Variants in BRCA2 observed in about 807,000 individuals in gnomAD.
BRCA2 encodes the protein breast cancer type 2 susceptibility protein.
Under a neutral mutation model 276.7 loss-of-function variants are expected in BRCA2, and 203 were observed. The observed-to-expected ratio is 0.73, with a 90% CI of 0.65 to 0.82. The LOEUF (loss-of-function observed/expected upper bound fraction) is 0.82. BRCA2 is among the 40% of genes least tolerant of loss of function. The probability of loss-of-function intolerance (pLI) is 0.00; values close to 1 mark genes in which losing one functional copy is unlikely to be tolerated. For synonymous variants in BRCA2, 1,289 were observed against 1,338.4 expected (o/e 0.96, Z 0.81); for missense variants, 3,920 against 3,915.0 (o/e 1.00, Z -0.03).
At position 32,319,306 on chromosome 13, in the gene BRCA2, T is replaced by A; in HGVS notation, c.297T>A (p.Asp99Glu). 3 of 1,613,716 alleles carry A rather than the reference T, an allele frequency of 1.9e-6. No individual in the cohort carries two copies. Among genetic ancestry groups the A allele is most frequent in the Non-Finnish European group, 2.5e-6 (3 of 1,179,670 alleles). The change falls in exon 3 of 27, where the codon GAT (aspartate) becomes GAA (glutamate). Residue 99 changes from aspartate to glutamate, a missense_variant. Transcript: ENST00000380152. The stretch of plus-strand genomic sequence containing the variant: ...ACCAATCTCCTGTAAAAGAATTAGA[T>A]AAATTCAAATTAGACTTAGGTAAGT... The part of the protein sequence containing the change: ...PLYQSPVKEL[D>E]KFKLDLGRNV...
Position 32,332,383 on chromosome 13 carries a change from C to G in BRCA2, c.905C>G (p.Thr302Ser), listed in dbSNP as rs80359158. Residue 302 changes from threonine (T) to serine (S), a missense_variant, in exon 10 of 27, where the codon ACC becomes AGC. By Grantham distance (58) the Thr-to-Ser change is moderately conservative. Around this residue, in one of 2 missense-constraint regions of BRCA2, gnomAD observed 3,263 missense variants for 3,156.9 expected, o/e 1.03. Transcript: ENST00000380152. ...GAAGTATATGAAACAGTTGTAGATA[C>G]CTCTGAAGAAGATAGTTTTTCATTA... Reference protein sequence around the residue: ...EDEVYETVVDTSEEDSFSLCF... With the variant: ...EDEVYETVVDSSEEDSFSLCF... 1.9e-5 allele frequency: 31 copies of G among 1,592,318 alleles called. No individual in the cohort carries two copies. In the South Asian group the frequency reaches 3.3e-4, roughly 17 times the overall value.
At chr13:32,381,974 A>T (rs2072927339) in intron 24 of BRCA2, among the ~76,000 whole-genome samples, 1 of 152,138 alleles carries the variant, frequency 6.6e-6, no homozygotes. Context: ...AAAAGCAAGT[A>T]TGTGGGGAAG....
chr13:32,361,255 G>A (rs1158864031), intron 16 of BRCA2, among the ~76,000 whole-genome samples: 1 of 152,220 alleles, frequency 6.6e-6, no homozygotes, highest in African/African-American at 2.4e-5. Context: ...ACCAGCTGTG[G>A]AAGCTGCTTC....
rs1060504610 is a variant in BRCA2, at chr13:32,357,940, C to A, written c.7805+11C>A. ...AGAAGAATTTTATAGGTACTCTATG[C>A]AAAAAGATTGTGTGTTAACTTTTAT... On this transcript the variant is annotated intron_variant, in intron 16 of 26. Coordinates refer to ENST00000380152, the MANE Select transcript of BRCA2 (RefSeq NM_000059.4). The A allele has an allele frequency of 3.1e-6, 5 of 1,611,052 alleles. No individual in the cohort carries two copies. Among genetic ancestry groups the A allele is most frequent in the Non-Finnish European group, 4.2e-6 (5 of 1,177,334 alleles).
At chr13:32,374,482 A>G (rs925878474) in intron 20 of BRCA2, among the ~76,000 whole-genome samples, 1 of 152,194 alleles carries the variant, frequency 6.6e-6, no homozygotes, top group African/African-American at 2.4e-5. Flanking sequence ...GCCACATCAC[A>G]CCTTGAACAC....
intron 11 of BRCA2, among the ~76,000 whole-genome samples, chr13:32,341,832 C>T (rs1347544667): frequency 1.3e-5 from 2 of 150,230 alleles, no homozygotes; most frequent in Non-Finnish European, 3.0e-5. Context: ...CCCGCCACTG[C>T]ACTCCAGCCT....
At chr13:32,328,393 C>G (rs552526929) in intron 7 of BRCA2, among the ~76,000 whole-genome samples, 3 of 152,022 alleles carry the variant, frequency 2.0e-5, no homozygotes, top group Non-Finnish European at 4.4e-5. Context: ...AGGCACCCAC[C>G]ACCACGCCTG....
rs1370021869 is a variant in BRCA2 at position 32,338,393 on chromosome 13, TGTTTG to T, written c.4039_4043del (p.Val1347TyrfsTer3). The T allele has an allele frequency of 1.0e-5, 16 of 1,598,238 alleles. No homozygotes were observed. Among genetic ancestry groups the T allele is most frequent in the Non-Finnish European group, 1.3e-5 (15 of 1,174,574 alleles). On this transcript the variant is annotated frameshift_variant, in exon 11 of 27. Transcript: ENST00000380152. LOFTEE classifies it high-confidence loss of function. ...GCAGTGATTCAAGTAAAAATGATAC[TGTTTG>T]TATTCATAAAGATGAAACGGACTTG...
At chr13:32,345,545 A>G (rs1044774396) in intron 12 of BRCA2, among the ~76,000 whole-genome samples, 16 of 152,030 alleles carry the variant, frequency 1.1e-4, no homozygotes, top group African/African-American at 3.6e-4. Context: ...ACTAAGGAAA[A>G]TGTAAGAATT....
chr13:32,394,663 ATTCTT>A, intron 24 of BRCA2, 21 bp from the exon 25 acceptor site: 1 of 1,606,132 alleles, frequency 6.2e-7, no homozygotes, highest in Non-Finnish European at 8.5e-7. Flanking sequence ...CTATAATAAC[ATTCTT>A]TTCTTTTTTT....
rs761465579 is a variant in BRCA2, at chr13:32,356,047, C to CT, written c.7436-369dup. On this transcript the variant is annotated intron_variant, in intron 14 of 26. Coordinates refer to ENST00000380152, the MANE Select transcript of BRCA2 (RefSeq NM_000059.4). ...ATAATTTTATAAAACAGGGCTTGCG[C>CT]TTTTTTTTTTTTGAGACAGAGTTTC... is the stretch of plus-strand genomic sequence containing the variant. Among the ~76,000 whole-genome samples, 1,273 of 141,200 alleles carry CT rather than the reference C, an allele frequency of 9.0e-3. 14 individuals are homozygous for CT. The highest frequency in any genetic ancestry group is 0.026 in the African/African-American group (1,025 of 38,920). The allele number at this position is 141,200 out of a possible 152,430, so 92.6% of individuals were successfully genotyped here. A position where few individuals can be genotyped will look rare whatever the true frequency, so the allele number is the denominator to read the frequency against.
Position 32,337,534 on chromosome 13 carries a change from G to A in BRCA2, c.3179G>A (p.Ser1060Asn), listed in dbSNP as rs2072474262. Residue 1060 changes from serine (S) to asparagine (N), a missense_variant, in exon 11 of 27, where the codon AGC becomes AAC. By Grantham distance (46) the Ser-to-Asn change is conservative. Transcript: ENST00000380152. The part of the protein sequence containing the change: ...TLALDNQKKL[S>N]KPQSINTVSA... ...GCATTAGATAATCAAAAGAAACTGA[G>A]CAAGCCTCAGTCAATTAATACTGTA... The A allele has an allele frequency of 6.2e-7, 1 of 1,608,014 alleles. No homozygotes were observed. The highest frequency in any genetic ancestry group is 8.5e-7 in the Non-Finnish European group (1 of 1,176,986).
intron 18 of BRCA2, among the ~76,000 whole-genome samples, chr13:32,368,024 T>C (rs1271700002): frequency 2.0e-5 from 2 of 101,896 alleles, no homozygotes; most frequent in African/African-American, 8.3e-5. Context: ...TTTTTTTTTT[T>C]TTTTTTTTTT....
rs80358824 is a variant in BRCA2 at position 32,340,264 on chromosome 13, C to T, written c.5909C>T (p.Ser1970Leu). ...ATAGGGAAGCTTCATAAGTCAGTCT[C>T]ATCTGCAAATACTTGTGGGATTTTT... Reference protein sequence around the residue: ...CSIGKLHKSVSSANTCGIFST... With the variant: ...CSIGKLHKSVLSANTCGIFST... Residue 1970 changes from serine (S) to leucine (L), a missense_variant, in exon 11 of 27, where the codon TCA (serine) becomes TTA (leucine). Ser to Leu is a moderately radical substitution (Grantham distance 145). This residue lies in a region of BRCA2 where 3,263 missense variants were observed against 3,156.9 expected (regional missense o/e 1.03). Transcript: ENST00000380152. The T allele has an allele frequency of 1.2e-6, 2 of 1,613,984 alleles. No individual in the cohort carries two copies. Among genetic ancestry groups the T allele is most frequent in the South Asian group, 2.2e-5 (2 of 91,074 alleles).
chr13:32,332,661 T>G lies in BRCA2; in HGVS notation c.1183T>G (p.Trp395Gly), dbSNP rs80358412. The change falls in exon 10 of 27, where the codon TGG becomes GGG. Residue 395 changes from tryptophan (W) to glycine (G), a missense_variant. By Grantham distance (184) the Trp-to-Gly change is radical. Transcript: ENST00000380152. ...AGTTGTACCGTCTTTGGCCTGTGAA[T>G]GGTCTCAACTAACCCTTTCAGGTCT... Reference protein sequence around the residue: ...KEVVPSLACEWSQLTLSGLNG... With the variant: ...KEVVPSLACEGSQLTLSGLNG... 1 of 1,614,084 alleles carries G rather than the reference T, an allele frequency of 6.2e-7. No individual in the cohort carries two copies. Among genetic ancestry groups the G allele is most frequent in the Admixed American group, 1.7e-5 (1 of 60,010 alleles).
At chr13:32,376,137 T>C (rs574406154) in intron 20 of BRCA2, among the ~76,000 whole-genome samples, 1 of 152,128 alleles carries the variant, frequency 6.6e-6, no homozygotes, top group Non-Finnish European at 1.5e-5. Context: ...AAAACAAATA[T>C]ACCTATGTTA....
chr13:32,395,783 A>G (rs1253341162), intron 25 of BRCA2, among the ~76,000 whole-genome samples: 1 of 152,060 alleles, frequency 6.6e-6, no homozygotes, highest in Non-Finnish European at 1.5e-5. Context: ...TTTTAAAAGC[A>G]TTAGAGTAGC....
intron 11 of BRCA2, among the ~76,000 whole-genome samples, 190 bp from the exon 12 acceptor site, chr13:32,344,366 CAG>C (rs2072594846): frequency 2.0e-5 from 3 of 151,948 alleles, no homozygotes; most frequent in Admixed American, 1.3e-4. Context: ...GTGGTCAAAA[CAG>C]AACAAAAATG....
chr13:32,354,594 G>C (rs2072673886), intron 13 of BRCA2, among the ~76,000 whole-genome samples: 1 of 152,022 alleles, frequency 6.6e-6, no homozygotes, highest in Non-Finnish European at 1.5e-5. Flanking sequence ...GAGGTAAGGA[G>C]TACTATGATG....
Sources: allele counts gnomAD v4.1 joint callset (sites outside exome capture counted in the v4.1 genomes callset), GRCh38; gene constraint gnomAD v4.1.1; regional missense constraint gnomAD v4.1.1; transcripts MANE v1.5; gene names NCBI Gene and HGNC (gene_info 2026-07-23, HGNC 2026-07-21).